KLHDC8A: variants seen among roughly 807,000 people sequenced by gnomAD.
The protein encoded by KLHDC8A is kelch domain containing 8A.
A neutral mutation model predicts 33.1 loss-of-function variants in KLHDC8A; 21 were observed. That is an observed-to-expected ratio of 0.64 (90% CI 0.45 to 0.91). KLHDC8A has a LOEUF of 0.91. Ranked by LOEUF, KLHDC8A falls within the 40% of genes least tolerant of loss-of-function variation. The pLI, the probability that KLHDC8A is intolerant of heterozygous loss-of-function variation, is 0.00. For synonymous variants in KLHDC8A, 173 were observed against 193.5 expected (o/e 0.89, Z 0.88); for missense variants, 435 against 483.3 (o/e 0.90, Z 0.94).
In KLHDC8A at chr1:205,343,796, G is replaced by A; in HGVS notation, c.-189-3C>T. ...TCCGGCGGCGTCCACGCCTGGCCCT[G>A]CGGGGGGAACGCGGTGAATCAAGGG... On this transcript the variant is annotated splice_region_variant and splice_polypyrimidine_tract_variant and intron_variant, in intron 1 of 5. Coordinates refer to ENST00000367155, the MANE Select transcript of KLHDC8A (RefSeq NM_018203.3). 1.6e-6 allele frequency: 1 copy of A among 623,474 alleles called. No individual in the cohort carries two copies. 38.6% of individuals were successfully genotyped at this position (623,474 alleles called of 1,614,324 possible).
At chr1:205,356,077 GT>G (rs1663263397) in intron 1 of KLHDC8A, among the ~76,000 whole-genome samples, 1 of 151,798 alleles carries the variant, frequency 6.6e-6, no homozygotes, top group African/African-American at 2.4e-5. Flanking sequence ...CTCAGCCCTT[GT>G]CCCCCTCCCC....
In KLHDC8A at chr1:205,339,499, C is replaced by G; in HGVS notation, c.542-90G>C. The G allele has an allele frequency of 7.0e-7, 1 of 1,431,752 alleles. No individual in the cohort carries two copies. The allele number at this position is 1,431,752 out of a possible 1,614,324, so 88.7% of individuals were successfully genotyped here. On this transcript the variant is annotated intron_variant, in intron 3 of 5. Transcript: ENST00000367155. The surrounding 1 kb of genome is among the most constrained non-coding windows in gnomAD (Gnocchi z 5.1). Reference sequence around the variant, plus strand: ...AGGGTTTCCCCTTTTGACAGTTACTCATTCATACAGGAAGCTCCCGGTGGG... The same window carrying G: ...AGGGTTTCCCCTTTTGACAGTTACTGATTCATACAGGAAGCTCCCGGTGGG...
chr1:205,352,731 G>T lies in KLHDC8A; in HGVS notation c.-190+3802C>A, dbSNP rs113867195. Among the ~76,000 whole-genome samples, 926 of 152,344 alleles carry T rather than the reference G, an allele frequency of 6.1e-3. 7 individuals carry two copies. The highest frequency in any genetic ancestry group is 0.041 in the Middle Eastern group (12 of 294). ...GTCCTCATCACTCGGCACTCCTGGG[G>T]CAGGTGGGTGTGTACCTGAGGATCT... On this transcript the variant is annotated intron_variant, in intron 1 of 5. Coordinates refer to ENST00000367155, the MANE Select transcript of KLHDC8A (RefSeq NM_018203.3).
intron 2 of KLHDC8A, among the ~76,000 whole-genome samples, chr1:205,342,816 T>C (rs978110791): frequency 8.8e-5 from 13 of 148,176 alleles, no homozygotes; most frequent in Non-Finnish European, 1.3e-4. Context: ...AGGACATGCA[T>C]GCCCTGAGGA....
intron 1 of KLHDC8A, among the ~76,000 whole-genome samples, chr1:205,351,931 A>G (rs1169584555): frequency 1.3e-5 from 2 of 151,776 alleles, no homozygotes; most frequent in African/African-American, 4.8e-5. Flanking sequence ...AAAAAAAAAA[A>G]AGGAGGTTTT....
intron 1 of KLHDC8A, chr1:205,344,368 A>G (rs1238478332): frequency 6.6e-6 from 1 of 152,478 alleles, no homozygotes; most frequent in Non-Finnish European, 1.5e-5. Flanking sequence ...ATCCGCAGCC[A>G]CCACACCTGT....
chr1:205,338,576 G>A lies in KLHDC8A; in HGVS notation c.778C>T (p.Arg260Ter), dbSNP rs1000257355. 5.0e-6 allele frequency: 8 copies of A among 1,613,958 alleles called. No individual in the cohort carries two copies. Among genetic ancestry groups the A allele is most frequent in the East Asian group, 2.2e-5 (1 of 44,888 alleles). ...MEQGGWLKME[R>*]SFFLKKRRAD... Reference sequence around the variant, plus strand: ...CGCCGCTTCTTGAGGAAGAACGATCGTTCCATCTTCAGCCATCCCCCTATA... The same window carrying A: ...CGCCGCTTCTTGAGGAAGAACGATCATTCCATCTTCAGCCATCCCCCTATA... The change falls in exon 5 of 6, where the codon CGA becomes TGA. Residue 260 changes from arginine to a stop codon, truncating the protein, a stop_gained. Coordinates refer to ENST00000367155, the MANE Select transcript of KLHDC8A (RefSeq NM_018203.3). LOFTEE classifies it high-confidence loss of function.
Position 205,343,458 on chromosome 1 carries a change from G to A in KLHDC8A, c.147C>T (p.Phe49=). Reference sequence around the variant, plus strand: ...GGTCGGCCTCCGGGGAGTAGACCTCGAAGCAGTCCATGGGGACGCCGTTGT... The same window carrying A: ...GGTCGGCCTCCGGGGAGTAGACCTCAAAGCAGTCCATGGGGACGCCGTTGT... ...CDDNGVPMDC[F]EVYSPEADQW... Residue 49 remains phenylalanine, a synonymous_variant, in exon 2 of 6, where the codon TTC becomes TTT. Transcript: ENST00000367155. 1.2e-6 allele frequency: 2 copies of A among 1,613,570 alleles called. No individual in the cohort carries two copies. The highest frequency in any genetic ancestry group is 1.7e-6 in the Non-Finnish European group (2 of 1,179,876).
At chr1:205,354,380 A>G (rs1663204476) in intron 1 of KLHDC8A, among the ~76,000 whole-genome samples, 1 of 152,236 alleles carries the variant, frequency 6.6e-6, no homozygotes, top group Admixed American at 6.5e-5. Context: ...ACTTCAGTTC[A>G]TCTCAGGGGT....
Position 205,337,279 on chromosome 1 carries a change from A to T in KLHDC8A, c.*120T>A, listed in dbSNP as rs1233995410. ...ACTTAGAGCCCCAAGGCCAGACTCC[A>T]CTGGTTGCTAACAGGAGCTGACATT... On this transcript the variant is annotated 3_prime_UTR_variant, in exon 6 of 6. Transcript: ENST00000367155. 3.8e-6 allele frequency: 3 copies of T among 785,500 alleles called. No homozygotes were observed. The African/African-American group carries it at 5.1e-5, about 13-fold the overall frequency. The allele number at this position is 785,500 out of a possible 1,614,324, so 48.7% of individuals were successfully genotyped here. A position where few individuals can be genotyped will look rare whatever the true frequency, so the allele number is the denominator to read the frequency against.
In KLHDC8A at chr1:205,343,272, G is replaced by A; in HGVS notation, c.333C>T (p.Ser111=). 6.2e-7 allele frequency: 1 copy of A among 1,608,592 alleles called. No homozygotes were observed. The highest frequency in any genetic ancestry group is 8.5e-7 in the Non-Finnish European group (1 of 1,176,326). Residue 111 remains serine (S), a synonymous_variant, in exon 2 of 6, where the codon AGC becomes AGT. Coordinates refer to ENST00000367155, the MANE Select transcript of KLHDC8A (RefSeq NM_018203.3). ...NIDEGKWKKR[S]MLREAAMGIS... is the part of the protein sequence containing the mutation. Reference sequence around the variant, plus strand: ...TGCCCATGGCGGCCTCACGCAGCATGCTCCTCTTCTTCCACTTGCCCTCAT... The same window carrying A: ...TGCCCATGGCGGCCTCACGCAGCATACTCCTCTTCTTCCACTTGCCCTCAT...
Position 205,336,966 on chromosome 1 carries a change from A to G in KLHDC8A, c.*433T>C, listed in dbSNP as rs533294011. 8 of 179,858 alleles carry G rather than the reference A, an allele frequency of 4.4e-5. No homozygotes were observed. Among genetic ancestry groups the G allele is most frequent in the East Asian group, 1.7e-4 (1 of 5,810 alleles). 11.1% of individuals were successfully genotyped at this position (179,858 alleles called of 1,614,324 possible). On this transcript the variant is annotated 3_prime_UTR_variant, in exon 6 of 6. Transcript: ENST00000367155. ...AGAAGAAAGTGGTTTGGAACCCCCA[A>G]TCATTCTCCATTTTTCATCCTAAGC...
At chr1:205,348,544 G>A (rs1663010091) in intron 1 of KLHDC8A, 1 of 152,198 alleles carries the variant, frequency 6.6e-6, no homozygotes, top group Non-Finnish European at 1.5e-5. Flanking sequence ...TCCTAGCTGT[G>A]TGATTATGCA....
chr1:205,351,758 A>C (rs1425317881), intron 1 of KLHDC8A, among the ~76,000 whole-genome samples: 2 of 151,952 alleles, frequency 1.3e-5, no homozygotes, highest in Non-Finnish European at 2.9e-5. Context: ...GTCTCTACTA[A>C]AAATACAAAA....
rs762674343 is a variant in KLHDC8A, at chr1:205,343,632, G to A, written c.-28C>T. The A allele has an allele frequency of 7.1e-6, 11 of 1,540,610 alleles. No homozygotes were observed. The South Asian group carries it at 1.1e-4, about 15-fold the overall frequency. On this transcript the variant is annotated 5_prime_UTR_variant, in exon 2 of 6. Coordinates refer to ENST00000367155, the MANE Select transcript of KLHDC8A (RefSeq NM_018203.3). ...CAGCCTTGGGGAGCGCCCGGGCGCCGGGAGAGGTGCGAGCGCGGGGGTCCA... is the reference window on the plus strand; with the variant it reads ...CAGCCTTGGGGAGCGCCCGGGCGCCAGGAGAGGTGCGAGCGCGGGGGTCCA...
chr1:205,339,736 ATGTCATAG>A lies in KLHDC8A; in HGVS notation c.441_448del (p.Tyr148AlafsTer46). Reference sequence around the variant, plus strand: ...TAGGGACACCCACATGTCCTTCAGCATGTCATAGTGTTGGAGGTGGTTGTGTGGACGTA... The same window carrying A: ...TAGGGACACCCACATGTCCTTCAGCATGTTGGAGGTGGTTGTGTGGACGTA... On this transcript the variant is annotated frameshift_variant, in exon 3 of 6. Coordinates refer to ENST00000367155, the MANE Select transcript of KLHDC8A (RefSeq NM_018203.3). LOFTEE classifies it high-confidence loss of function. The surrounding 1 kb of genome is among the most constrained non-coding windows in gnomAD (Gnocchi z 5.1). The A allele has an allele frequency of 6.2e-7, 1 of 1,614,106 alleles. No individual in the cohort carries two copies. The highest frequency in any genetic ancestry group is 8.5e-7 in the Non-Finnish European group (1 of 1,180,032).
rs779635070 is a variant in KLHDC8A at position 205,343,469 on chromosome 1, TG to T, written c.135del (p.Met46TrpfsTer38). The T allele has an allele frequency of 6.2e-7, 1 of 1,613,546 alleles. No individual in the cohort carries two copies. Among genetic ancestry groups the T allele is most frequent in the South Asian group, 1.1e-5 (1 of 91,084 alleles). ...AIGGCDDNGV[P>X]MDCFEVYSPE... ...GGGGAGTAGACCTCGAAGCAGTCCA[TG>T]GGGACGCCGTTGTCGTCACATCCCC... On this transcript the variant is annotated frameshift_variant, in exon 2 of 6. Coordinates refer to ENST00000367155, the MANE Select transcript of KLHDC8A (RefSeq NM_018203.3). LOFTEE classifies it high-confidence loss of function.
In KLHDC8A at chr1:205,343,811, T is replaced by A; in HGVS notation, c.-189-18A>T. 1 of 577,230 alleles carries A rather than the reference T, an allele frequency of 1.7e-6. No individual in the cohort carries two copies. Among genetic ancestry groups the A allele is most frequent in the Non-Finnish European group, 2.9e-6 (1 of 343,374 alleles). 35.8% of individuals were successfully genotyped at this position (577,230 alleles called of 1,614,324 possible). On this transcript the variant is annotated intron_variant, in intron 1 of 5. Coordinates refer to ENST00000367155, the MANE Select transcript of KLHDC8A (RefSeq NM_018203.3). ...GCCTGGCCCTGCGGGGGGAACGCGG[T>A]GAATCAAGGGCAGCTGGGGCCACGC...
At position 205,339,493 on chromosome 1, in the gene KLHDC8A, G is replaced by A; in HGVS notation, c.542-84C>T. 6.9e-7 allele frequency: 1 copy of A among 1,450,906 alleles called. No homozygotes were observed. Among genetic ancestry groups the A allele is most frequent in the Non-Finnish European group, 9.5e-7 (1 of 1,050,120 alleles). The allele number at this position is 1,450,906 out of a possible 1,614,324, so 89.9% of individuals were successfully genotyped here. A position where few individuals can be genotyped will look rare whatever the true frequency, so the allele number is the denominator to read the frequency against. ...GTGAAAAGGGTTTCCCCTTTTGACA[G>A]TTACTCATTCATACAGGAAGCTCCC... On this transcript the variant is annotated intron_variant, in intron 3 of 5. Transcript: ENST00000367155. This position sits in a 1 kb window ranked among gnomAD's most constrained non-coding sequence, Gnocchi z 5.1.
Sources: gnomAD v4.1 joint callset for allele counts (sites outside exome capture counted in the v4.1 genomes callset) on GRCh38, gnomAD v4.1.1 for gene constraint, Gnocchi (gnomAD v3.1) non-coding constraint, MANE v1.5 for transcripts, NCBI Gene and HGNC (gene_info 2026-07-23, HGNC 2026-07-21) for gene names.